Variants in MACROD2 observed in about 807,000 individuals in gnomAD.
MACROD2 encodes ADP-ribose glycohydrolase MACROD2.
A neutral mutation model predicts 70.4 loss-of-function variants in MACROD2; 36 were observed. That is an observed-to-expected ratio of 0.51 (90% CI 0.39 to 0.68). The LOEUF (loss-of-function observed/expected upper bound fraction) is 0.68, where lower values mean the gene tolerates loss of function less well. Among genes scored for constraint, MACROD2 ranks in the 30% least tolerant of loss-of-function variants. MACROD2 has a pLI of 0.00. For missense variants in MACROD2, 496 were observed against 538.4 expected (o/e 0.92, Z 0.78); for synonymous variants, 172 against 178.8 (o/e 0.96, Z 0.30).
rs78340176 is a variant in MACROD2, at chr20:15,020,926, C to T, written c.419-209014C>T. 3.0e-3 allele frequency among the ~76,000 whole-genome samples: 456 copies of T among 150,392 alleles called. 4 individuals are homozygous for T. The highest frequency in any genetic ancestry group is 0.011 in the African/African-American group (433 of 41,044). On this transcript the variant is annotated intron_variant, in intron 5 of 17. Coordinates refer to ENST00000684519, the MANE Select transcript of MACROD2 (RefSeq NM_001351661.2). ...GGAAAACTATAGGAGACTATATACA[C>T]ATATATATGTATACATATGTATACA...
rs149952276 is a variant in MACROD2, at chr20:16,050,293, G to A, written c.*417G>A. The A allele has an allele frequency of 3.5e-3, 553 of 157,748 alleles. 4 individuals carry two copies. Among genetic ancestry groups the A allele is most frequent in the African/African-American group, 0.012 (519 of 41,650 alleles). 9.8% of individuals were successfully genotyped at this position (157,748 alleles called of 1,614,324 possible). The stretch of plus-strand genomic sequence containing the variant: ...GAGGAAGACAGTGGTTTGATAAGCT[G>A]CAGGATAAATTTTAGGAATCAATGA... On this transcript the variant is annotated 3_prime_UTR_variant, in exon 18 of 18. Coordinates refer to ENST00000684519, the MANE Select transcript of MACROD2 (RefSeq NM_001351661.2).
intron 3 of MACROD2, among the ~76,000 whole-genome samples, chr20:14,238,776 C>T (rs2122228012): frequency 6.6e-6 from 1 of 152,188 alleles, no homozygotes; most frequent in East Asian, 1.9e-4. Context: ...TGCCTGTAAT[C>T]CCAGCACTTT....
intron 8 of MACROD2, among the ~76,000 whole-genome samples, chr20:15,650,251 T>A (rs1173665680): frequency 6.6e-6 from 1 of 152,158 alleles, no homozygotes; most frequent in African/African-American, 2.4e-5. Context: ...TAAATGGTCA[T>A]GAGAAAGCTG....
chr20:15,237,211 G>A (rs747742443), intron 6 of MACROD2, among the ~76,000 whole-genome samples: 10 of 152,084 alleles, frequency 6.6e-5, no homozygotes, highest in Non-Finnish European at 1.5e-4. Context: ...ACTGTATCCT[G>A]GACTATCATG....
intron 7 of MACROD2, among the ~76,000 whole-genome samples, chr20:15,489,061 A>G (rs1568843657): frequency 6.6e-6 from 1 of 152,216 alleles, no homozygotes; most frequent in African/African-American, 2.4e-5. Flanking sequence ...AATGCAGTTC[A>G]TTTATACCTG....
chr20:15,412,590 T>C (rs1256817851), intron 6 of MACROD2, among the ~76,000 whole-genome samples: 8 of 152,224 alleles, frequency 5.3e-5, no homozygotes, highest in Admixed American at 5.2e-4. Context: ...GACTTTGTTT[T>C]CTACGTGAAA....
At chr20:15,246,191 T>C (rs1314082543) in intron 6 of MACROD2, among the ~76,000 whole-genome samples, 2 of 152,208 alleles carry the variant, frequency 1.3e-5, no homozygotes, top group Non-Finnish European at 2.9e-5. Flanking sequence ...TGTTAGTATA[T>C]TGGTATTTTG....
intron 6 of MACROD2, among the ~76,000 whole-genome samples, chr20:15,308,860 C>T (rs1015987482): frequency 1.3e-5 from 2 of 152,190 alleles, no homozygotes; most frequent in Admixed American, 1.3e-4. Context: ...CAGGAAACCA[C>T]TGAATCATTT....
chr20:15,194,245 C>CAAAAAAA (rs71190180), intron 5 of MACROD2, among the ~76,000 whole-genome samples: 4 of 49,842 alleles, frequency 8.0e-5, no homozygotes, highest in Admixed American at 3.5e-4. Flanking sequence ...CACTCTGTCT[C>CAAAAAAA]AAAAAAAAAA....
chr20:15,885,913 A>C (rs2064816596), intron 10 of MACROD2, 102 bp downstream of exon 10: 1 of 1,242,986 alleles, frequency 8.0e-7, no homozygotes, highest in African/African-American at 1.6e-5. Flanking sequence ...AAGATTAATA[A>C]AATAGAAATA....
At chr20:15,911,593 T>G (rs978399237) in intron 10 of MACROD2, among the ~76,000 whole-genome samples, 1 of 152,102 alleles carries the variant, frequency 6.6e-6, no homozygotes, top group Non-Finnish European at 1.5e-5. Flanking sequence ...ATGTGAAGGA[T>G]AGGCAAGAAG....
At chr20:14,026,643 C>A (rs2053170985) in intron 2 of MACROD2, among the ~76,000 whole-genome samples, 1 of 152,146 alleles carries the variant, frequency 6.6e-6, no homozygotes, top group Admixed American at 6.5e-5. Context: ...GTTGAAAATT[C>A]TTTTCTTTAA....
At chr20:14,364,195 T>A (rs1256806244) in intron 3 of MACROD2, among the ~76,000 whole-genome samples, 1 of 152,200 alleles carries the variant, frequency 6.6e-6, no homozygotes, top group Admixed American at 6.5e-5. Context: ...AGGTCCACAT[T>A]AGGGACCACC....
At chr20:15,473,708 C>T (rs2046987815) in intron 7 of MACROD2, among the ~76,000 whole-genome samples, 1 of 152,134 alleles carries the variant, frequency 6.6e-6, no homozygotes, top group Non-Finnish European at 1.5e-5. Flanking sequence ...TTGCCAATTC[C>T]CTTAGTTTCC....
At chr20:14,403,564 ATATTTTAGC>A (rs2083661032) in intron 3 of MACROD2, among the ~76,000 whole-genome samples, 1 of 152,220 alleles carries the variant, frequency 6.6e-6, no homozygotes, top group Non-Finnish European at 1.5e-5. Context: ...ATCAGAAATA[ATATTTTAGC>A]TTTAGAAATA....
intron 6 of MACROD2, among the ~76,000 whole-genome samples, chr20:15,254,977 G>GTGAACACAATATAGTGGTA (rs2077187041): frequency 1.5e-5 from 2 of 130,430 alleles, no homozygotes; most frequent in Admixed American, 9.0e-5. Context: ...TGGTAATTGA[G>GTGAACACAATATAGTGGTA]TGAACACAAT....
intron 8 of MACROD2, among the ~76,000 whole-genome samples, chr20:15,598,626 CAGG>C (rs1673902551): frequency 6.6e-6 from 1 of 152,120 alleles, no homozygotes; most frequent in Admixed American, 6.5e-5. Context: ...GTGAACTGAG[CAGG>C]AGAATAGGGT....
chr20:15,400,216 G>A (rs1196967158), intron 6 of MACROD2, among the ~76,000 whole-genome samples: 3 of 152,032 alleles, frequency 2.0e-5, no homozygotes, highest in African/African-American at 2.4e-5. Context: ...TAGTGTAGTC[G>A]GTGAGCTTTC....
chr20:15,106,980 GAT>G (rs1436106398), intron 5 of MACROD2, among the ~76,000 whole-genome samples: 1 of 95,458 alleles, frequency 1.0e-5, no homozygotes, highest in African/African-American at 5.3e-5. Context: ...CCTAATGTAT[GAT>G]TTATATGTAT....
Sources: gnomAD v4.1 joint callset for allele counts (sites outside exome capture counted in the v4.1 genomes callset) on GRCh38, gnomAD v4.1.1 for gene constraint, MANE v1.5 for transcripts, NCBI Gene and HGNC (gene_info 2026-07-23, HGNC 2026-07-21) for gene names.